CDYL: variants seen among roughly 807,000 people sequenced by gnomAD.
CDYL encodes chromodomain Y like.
Under a neutral mutation model 47.3 loss-of-function variants are expected in CDYL, and 8 were observed. The ratio of observed to expected loss-of-function variants is 0.17; its 90% CI spans 0.10 to 0.31. The LOEUF is 0.31. CDYL is among the 10% of genes least tolerant of loss of function. The pLI is 1.00. For missense variants in CDYL, 471 were observed against 701.4 expected (o/e 0.67, Z 3.71); for synonymous variants, 266 against 265.0 (o/e 1.00, Z -0.04).
chr6:4,840,571 C>G (rs1178095342), intron 1 of CDYL, among the ~76,000 whole-genome samples: 1 of 152,026 alleles, frequency 6.6e-6, no homozygotes, highest in Non-Finnish European at 1.5e-5. Context: ...AGTTATGTCC[C>G]TTCTATGCTG....
At chr6:4,751,912 G>A (rs1351113450) in intron 3 of CDYL, among the ~76,000 whole-genome samples, 1 of 152,210 alleles carries the variant, frequency 6.6e-6, no homozygotes, top group Non-Finnish European at 1.5e-5. Flanking sequence ...TCCTGCGACT[G>A]TTTTGCTGGC....
chr6:4,883,844 A>C (rs1761827816), intron 1 of CDYL, among the ~76,000 whole-genome samples: 1 of 152,178 alleles, frequency 6.6e-6, no homozygotes. Context: ...AGTGACTTGC[A>C]CCTTAGCAGT....
intron 4 of CDYL, among the ~76,000 whole-genome samples, chr6:4,938,023 A>G (rs1340088246): frequency 1.3e-5 from 2 of 152,144 alleles, no homozygotes; most frequent in East Asian, 3.8e-4. Flanking sequence ...GTGTTCGGAG[A>G]ATGTTCTGAT....
intron 1 of CDYL, among the ~76,000 whole-genome samples, chr6:4,819,476 G>C (rs1759772892): frequency 6.6e-6 from 1 of 151,920 alleles, no homozygotes; most frequent in Admixed American, 6.6e-5. Flanking sequence ...TTTTCTTTCT[G>C]GTCTGTTGAC....
At chr6:4,824,303 G>A (rs1349512281) in intron 1 of CDYL, among the ~76,000 whole-genome samples, 1 of 152,142 alleles carries the variant, frequency 6.6e-6, no homozygotes, top group Non-Finnish European at 1.5e-5. Context: ...GTAATTCGAT[G>A]TTTAACTTTT....
At chr6:4,833,216 A>G (rs1390569115) in intron 1 of CDYL, among the ~76,000 whole-genome samples, 22 of 144,092 alleles carry the variant, frequency 1.5e-4, no homozygotes, top group South Asian at 6.8e-4. Context: ...ATTTAGTGCT[A>G]TAAATTTCCC....
At chr6:4,853,721 G>T (rs9504271) in intron 1 of CDYL, among the ~76,000 whole-genome samples, 10 of 152,122 alleles carry the variant, frequency 6.6e-5, no homozygotes, top group South Asian at 2.1e-4. Flanking sequence ...ACACCAGGCA[G>T]CTGTCACCTT....
chr6:4,904,617 G>A (rs573989075), intron 2 of CDYL, among the ~76,000 whole-genome samples: 3 of 152,142 alleles, frequency 2.0e-5, no homozygotes, highest in Non-Finnish European at 2.9e-5. Context: ...TTTAAGACTT[G>A]TTTGTGCTTA....
intron 3 of CDYL, among the ~76,000 whole-genome samples, chr6:4,750,856 T>C (rs1358239945): frequency 7.5e-6 from 1 of 132,756 alleles, no homozygotes; most frequent in Admixed American, 7.3e-5. Context: ...TTTTCTTTTC[T>C]TTTTTTTTTT....
intron 2 of CDYL, among the ~76,000 whole-genome samples, chr6:4,893,707 AAAAG>A (rs1641781454): frequency 1.3e-5 from 2 of 152,078 alleles, no homozygotes; most frequent in South Asian, 2.1e-4. Flanking sequence ...AAAAAAAAAA[AAAAG>A]AGACTCCGTC....
chr6:4,892,189 C>T lies in CDYL; in HGVS notation c.501C>T (p.Asp167=), dbSNP rs756318566. The T allele has an allele frequency of 1.9e-5, 30 of 1,614,212 alleles. No individual in the cohort carries two copies. The highest frequency in any genetic ancestry group is 2.5e-5 in the Non-Finnish European group (30 of 1,180,036). Residue 167 remains aspartate (D), a synonymous_variant, in exon 2 of 7, where the codon GAC becomes GAT. Coordinates refer to ENST00000397588, the MANE Select transcript of CDYL (RefSeq NM_004824.4). ...GFQSESPEKL[D]PVEQGQEDTV... The stretch of plus-strand genomic sequence containing the variant: ...AGAGCGAGAGCCCTGAGAAACTGGA[C>T]CCCGTCGAGCAGGGTCAGGAGGACA...
At chr6:4,881,355 T>C (rs75077443) in intron 1 of CDYL, among the ~76,000 whole-genome samples, 2 of 151,960 alleles carry the variant, frequency 1.3e-5, no homozygotes, top group Non-Finnish European at 2.9e-5. Flanking sequence ...TGTTTTTGCC[T>C]TTTTTTTAGT....
chr6:4,935,240 A>G (rs142021225), intron 2 of CDYL, among the ~76,000 whole-genome samples: 55 of 152,352 alleles, frequency 3.6e-4, no homozygotes, highest in African/African-American at 1.3e-3. Flanking sequence ...CTTTAAAAAA[A>G]TCTCTAACTA....
intron 1 of CDYL, among the ~76,000 whole-genome samples, chr6:4,870,175 C>T (rs1479815751): frequency 6.6e-6 from 1 of 152,180 alleles, no homozygotes; most frequent in African/African-American, 2.4e-5. Flanking sequence ...AGCAATCCTC[C>T]TACCTCAGCT....
chr6:4,949,613 C>T (rs1421488217), intron 5 of CDYL, among the ~76,000 whole-genome samples: 1 of 152,238 alleles, frequency 6.6e-6, no homozygotes, highest in Non-Finnish European at 1.5e-5. Context: ...AGTCCCTGTG[C>T]ACTCAGCCAT....
At chr6:4,715,727 G>A (rs529556222) in intron 1 of CDYL, 2 of 1,608,576 alleles carry the variant, frequency 1.2e-6, no homozygotes, top group Non-Finnish European at 1.7e-6. Context: ...CTCTTGTTGG[G>A]ATTGTAATTG....
At chr6:4,754,893 A>G (rs1374431942) in intron 3 of CDYL, among the ~76,000 whole-genome samples, 1 of 152,220 alleles carries the variant, frequency 6.6e-6, no homozygotes, top group Non-Finnish European at 1.5e-5. Flanking sequence ...TAAGTAATAC[A>G]TGGTATGTGC....
intron 1 of CDYL, among the ~76,000 whole-genome samples, chr6:4,707,662 A>C (rs1487556821): frequency 1.3e-5 from 2 of 152,164 alleles, no homozygotes; most frequent in Non-Finnish European, 2.9e-5. Flanking sequence ...AGACTTCTAA[A>C]ATGTGTGCAT....
At chr6:4,840,372 C>T (rs1273150004) in intron 1 of CDYL, among the ~76,000 whole-genome samples, 1 of 152,114 alleles carries the variant, frequency 6.6e-6, no homozygotes, top group Non-Finnish European at 1.5e-5. Context: ...TTGACTTCCT[C>T]TTTACTGATT....
Sources: gnomAD v4.1 joint callset for allele counts (sites outside exome capture counted in the v4.1 genomes callset) on GRCh38, gnomAD v4.1.1 for gene constraint, MANE v1.5 for transcripts, NCBI Gene and HGNC (gene_info 2026-07-23, HGNC 2026-07-21) for gene names.